Variants in CYFIP2 observed in about 807,000 individuals in gnomAD.
The protein encoded by CYFIP2 is cytoplasmic FMR1 interacting protein 2.
Under a neutral mutation model 158.7 loss-of-function variants are expected in CYFIP2, and 29 were observed. That is an observed-to-expected ratio of 0.18 (90% CI 0.14 to 0.25). CYFIP2 has a LOEUF of 0.25. CYFIP2 is among the 10% of genes least tolerant of loss of function. The pLI, the probability that CYFIP2 is intolerant of heterozygous loss-of-function variation, is 1.00. For missense variants in CYFIP2, 852 were observed against 1,639.5 expected (o/e 0.52, Z 8.29); for synonymous variants, 585 against 617.6 (o/e 0.95, Z 0.78).
At position 157,311,826 on chromosome 5, in the gene CYFIP2, C is replaced by T. The variant is rs1301807517; in HGVS notation, c.1110+45C>T. ...GGGCACAGGCCCGTGGGCCCAGGGCCAGAAGGGGTAAGGAGCAGCCAGGAA... is the reference window on the plus strand; with the variant it reads ...GGGCACAGGCCCGTGGGCCCAGGGCTAGAAGGGGTAAGGAGCAGCCAGGAA... On this transcript the variant is annotated intron_variant, in intron 11 of 30. Transcript: ENST00000620254. This position sits in a 1 kb window ranked among gnomAD's most constrained non-coding sequence, Gnocchi z 4.7. 6.6e-7 allele frequency: 1 copy of T among 1,517,978 alleles called. No homozygotes were observed. Among genetic ancestry groups the T allele is most frequent in the Non-Finnish European group, 9.0e-7 (1 of 1,114,752 alleles). 94.0% of individuals were successfully genotyped at this position (1,517,978 alleles called of 1,614,324 possible).
intron 10 of CYFIP2, among the ~76,000 whole-genome samples, chr5:157,310,878 C>T (rs1759656421): frequency 6.6e-6 from 1 of 152,216 alleles, no homozygotes; most frequent in South Asian, 2.1e-4. Context: ...GTCTGGTGCT[C>T]ATGCTTCATC....
chr5:157,370,529 A>T (rs1764898278), intron 26 of CYFIP2, among the ~76,000 whole-genome samples: 1 of 152,234 alleles, frequency 6.6e-6, no homozygotes, highest in Non-Finnish European at 1.5e-5. Flanking sequence ...TCCCTCTTTG[A>T]TAAAAACAAG....
intron 1 of CYFIP2, among the ~76,000 whole-genome samples, chr5:157,268,594 ACT>A (rs2113797530): frequency 6.6e-6 from 1 of 152,214 alleles, no homozygotes; most frequent in African/African-American, 2.4e-5. Context: ...ATTGGACTAC[ACT>A]CTCAACGCAG....
intron 21 of CYFIP2, 135 bp from the exon 22 acceptor site, chr5:157,338,922 C>T: frequency 1.3e-6 from 1 of 780,326 alleles, no homozygotes; most frequent in Non-Finnish European, 2.0e-6. Flanking sequence ...CTGTAAGGGT[C>T]CTAGTTCCCA....
At chr5:157,367,013 G>A (rs1764437554) in intron 26 of CYFIP2, among the ~76,000 whole-genome samples, 1 of 152,194 alleles carries the variant, frequency 6.6e-6, no homozygotes, top group Admixed American at 6.5e-5. Context: ...CTCTTGCCTG[G>A]AGTGTTCTTT....
chr5:157,302,826 C>A lies in CYFIP2; in HGVS notation c.602C>A (p.Pro201His). The A allele has an allele frequency of 6.3e-7, 1 of 1,586,580 alleles. No homozygotes were observed. Among genetic ancestry groups the A allele is most frequent in the East Asian group, 2.3e-5 (1 of 43,824 alleles). The part of the protein sequence containing the change: ...AAQFLRKMAD[P>H]QSIQESQNLS... The stretch of plus-strand genomic sequence containing the variant: ...CAGTTCCTGCGGAAGATGGCAGATC[C>A]CCAGTCTATCCAGGAGTCGCAGAAC... Residue 201 changes from proline to histidine, a missense_variant, in exon 7 of 31, where the codon CCC becomes CAC. Pro to His is a moderately conservative substitution (Grantham distance 77, BLOSUM62 -2). Transcript: ENST00000620254.
chr5:157,306,603 C>A (rs76656173), intron 8 of CYFIP2, among the ~76,000 whole-genome samples: 1,526 of 152,214 alleles, frequency 0.01, 32 homozygotes, highest in African/African-American at 0.034. Flanking sequence ...CAAAATATAC[C>A]CACAGAGTGG....
Position 157,311,647 on chromosome 5 carries a change from C to A in CYFIP2, c.993-17C>A. ...CTGAGGCTGGGACCCTCTCCGACCC[C>A]ATAATTTTCTACCCAGGTGGACGTG... On this transcript the variant is annotated splice_polypyrimidine_tract_variant and intron_variant, in intron 10 of 30. Transcript: ENST00000620254. This position sits in a 1 kb window ranked among gnomAD's most constrained non-coding sequence, Gnocchi z 4.7. 6.3e-7 allele frequency: 1 copy of A among 1,591,450 alleles called. No individual in the cohort carries two copies. The highest frequency in any genetic ancestry group is 8.6e-7 in the Non-Finnish European group (1 of 1,169,262).
At chr5:157,274,073 G>A (rs1756338445) in intron 1 of CYFIP2, among the ~76,000 whole-genome samples, 1 of 149,276 alleles carries the variant, frequency 6.7e-6, no homozygotes, top group Non-Finnish European at 1.5e-5. Context: ...AGAGGTTGCA[G>A]TGAGTGAGAT....
chr5:157,388,647 T>C (rs1766940893), intron 28 of CYFIP2, among the ~76,000 whole-genome samples: 1 of 152,236 alleles, frequency 6.6e-6, no homozygotes, highest in African/African-American at 2.4e-5. Context: ...ATTTGTTCTA[T>C]TTACTTTACA....
chr5:157,380,641 C>T (rs372245236), intron 26 of CYFIP2, among the ~76,000 whole-genome samples: 118 of 152,278 alleles, frequency 7.7e-4, no homozygotes, highest in African/African-American at 2.7e-3. Flanking sequence ...TTCATGAATA[C>T]AGAGCAAAAA....
chr5:157,390,399 G>C (rs1394877284), intron 29 of CYFIP2, 122 bp from the exon 30 acceptor site: 2 of 896,946 alleles, frequency 2.2e-6, no homozygotes, highest in Non-Finnish European at 3.3e-6. Context: ...TATAGGTTAA[G>C]AGACTTGGCC....
At chr5:157,284,110 A>G (rs1277813752) in intron 1 of CYFIP2, among the ~76,000 whole-genome samples, 1 of 152,038 alleles carries the variant, frequency 6.6e-6, no homozygotes, top group Non-Finnish European at 1.5e-5. Context: ...CTCTACTGTT[A>G]ACGTTTTATT....
chr5:157,296,551 G>A, intron 4 of CYFIP2, 122 bp from the exon 5 acceptor site: 1 of 858,288 alleles, frequency 1.2e-6, no homozygotes, highest in Non-Finnish European at 1.9e-6. Context: ...CCATGATCAT[G>A]CCACTGCACT....
At chr5:157,289,931 G>A (rs1757690495) in intron 3 of CYFIP2, among the ~76,000 whole-genome samples, 1 of 152,188 alleles carries the variant, frequency 6.6e-6, no homozygotes, top group Admixed American at 6.5e-5. Context: ...GTAGGAATGA[G>A]GCAAATAAAT....
At chr5:157,329,984 T>G (rs929731118) in intron 19 of CYFIP2, among the ~76,000 whole-genome samples, 2 of 152,254 alleles carry the variant, frequency 1.3e-5, no homozygotes, top group Admixed American at 6.5e-5. Context: ...ACCTGCACTA[T>G]ACTTTATCCA....
Position 157,337,334 on chromosome 5 carries a change from A to T in CYFIP2, c.2386-1723A>T, listed in dbSNP as rs1761928212. 5.3e-5 allele frequency among the ~76,000 whole-genome samples: 8 copies of T among 152,180 alleles called. No homozygotes were observed. The South Asian group carries it at 1.7e-3, about 32-fold the overall frequency. On this transcript the variant is annotated intron_variant, in intron 21 of 30. Transcript: ENST00000620254. ...TGACCTTCTTTTGAAAAATTGCAGGATTTGCCATCACTAATCCCCCACTCC... is the reference window on the plus strand; with the variant it reads ...TGACCTTCTTTTGAAAAATTGCAGGTTTTGCCATCACTAATCCCCCACTCC...
At chr5:157,389,791 A>C (rs1767085640) in intron 29 of CYFIP2, among the ~76,000 whole-genome samples, 1 of 152,124 alleles carries the variant, frequency 6.6e-6, no homozygotes, top group African/African-American at 2.4e-5. Flanking sequence ...TCTAGGAAAA[A>C]GGCGTGGTGG....
chr5:157,273,849 T>C (rs1169108346), intron 1 of CYFIP2, among the ~76,000 whole-genome samples: 2 of 152,062 alleles, frequency 1.3e-5, no homozygotes, highest in African/African-American at 4.8e-5. Flanking sequence ...AAAAATATAG[T>C]TCAGGGCAGG....
Sources: allele counts gnomAD v4.1 joint callset (sites outside exome capture counted in the v4.1 genomes callset), GRCh38; gene constraint gnomAD v4.1.1; non-coding constraint Gnocchi (gnomAD v3.1); transcripts MANE v1.5; gene names NCBI Gene and HGNC (gene_info 2026-07-23, HGNC 2026-07-21).